Variants in STIP1 observed in about 807,000 individuals in gnomAD.
The protein encoded by STIP1 is stress induced phosphoprotein 1, also known as stress-induced-phosphoprotein 1.
A neutral mutation model predicts 77.4 loss-of-function variants in STIP1; 16 were observed. The ratio of observed to expected loss-of-function variants is 0.21; its 90% CI spans 0.14 to 0.31. The LOEUF is 0.31. Ranked by LOEUF, STIP1 falls within the 10% of genes least tolerant of loss-of-function variation. The pLI is 1.00. For missense variants in STIP1, 524 were observed against 684.8 expected, an observed-to-expected ratio of 0.77 and a Z score of 2.62; for synonymous variants, 258 against 246.6, an observed-to-expected ratio of 1.05 and a Z score of -0.44.
At chr11:64,196,573 G>A (rs532024030) in intron 5 of STIP1, among the ~76,000 whole-genome samples, 1 of 152,072 alleles carries the variant, frequency 6.6e-6, no homozygotes, top group African/African-American at 2.4e-5. Context: ...GTCGTGATCC[G>A]AAGAATGTTG....
At chr11:64,203,281 G>A (rs1946241694) in intron 12 of STIP1, 53 bp downstream of exon 12, 2 of 1,601,302 alleles carry the variant, frequency 1.2e-6, no homozygotes, top group Admixed American at 1.7e-5. Flanking sequence ...CTCTGTTGGG[G>A]CTTTTCCATG....
At chr11:64,198,656 CT>C (rs1047170338) in intron 8 of STIP1, among the ~76,000 whole-genome samples, 1 of 150,170 alleles carries the variant, frequency 6.7e-6, no homozygotes. Flanking sequence ...TGAACCTGAT[CT>C]TTTTTTAGGT....
chr11:64,195,731 C>T lies in STIP1; in HGVS notation c.590C>T (p.Ala197Val), dbSNP rs758752533. Residue 197 changes from alanine to valine, a missense_variant, in exon 5 of 14, where the codon GCA becomes GTA. By Grantham distance (64) the Ala-to-Val change is moderately conservative. Transcript: ENST00000305218. ...LGSMDEEEEI[A>V]TPPPPPPPKK... The stretch of plus-strand genomic sequence containing the variant: ...AGTATGGATGAGGAGGAAGAGATTG[C>T]AACACCTCCACCACCACCCCCTCCC... The T allele has an allele frequency of 6.2e-7, 1 of 1,614,094 alleles. No homozygotes were observed. Among genetic ancestry groups the T allele is most frequent in the South Asian group, 1.1e-5 (1 of 91,076 alleles).
chr11:64,196,208 C>G (rs980892909), intron 5 of STIP1, among the ~76,000 whole-genome samples: 2 of 151,668 alleles, frequency 1.3e-5, no homozygotes, highest in African/African-American at 4.8e-5. Flanking sequence ...CCAGTCTGGC[C>G]AACATGGTGA....
chr11:64,194,658 G>A, intron 4 of STIP1, 38 bp downstream of exon 4: 1 of 1,604,404 alleles, frequency 6.2e-7, no homozygotes, highest in South Asian at 1.1e-5. Flanking sequence ...TGGAAATCGG[G>A]GAATGTTATG....
At chr11:64,201,916 C>T (rs1390419613) in intron 10 of STIP1, among the ~76,000 whole-genome samples, 1 of 152,252 alleles carries the variant, frequency 6.6e-6, no homozygotes, top group Non-Finnish European at 1.5e-5. Context: ...CATCATTTCT[C>T]ACTTTGAAGA....
In STIP1 at chr11:64,193,129, G is replaced by C; in HGVS notation, c.61G>C (p.Asp21His). ...GNKALSVGNI[D>H]DALQCYSEAI... ...CAAGGCCCTGAGCGTGGGTAACATC[G>C]ATGATGCCTTACAGTGCTACTCCGA... Residue 21 changes from aspartate (D) to histidine (H), a missense_variant, in exon 2 of 14, where the codon GAT (aspartate) becomes CAT (histidine). By Grantham distance (81) the Asp-to-His change is moderately conservative. Transcript: ENST00000305218. The C allele has an allele frequency of 6.2e-7, 1 of 1,614,160 alleles. No individual in the cohort carries two copies. Among genetic ancestry groups the C allele is most frequent in the Non-Finnish European group, 8.5e-7 (1 of 1,180,026 alleles).
chr11:64,187,904 C>T (rs907211200), intron 1 of STIP1, among the ~76,000 whole-genome samples: 1 of 152,046 alleles, frequency 6.6e-6, no homozygotes, highest in African/African-American at 2.4e-5. Flanking sequence ...ACTCGGGAGG[C>T]TGAGGCAGGA....
chr11:64,186,888 T>C (rs534714089), intron 1 of STIP1, among the ~76,000 whole-genome samples: 2 of 152,280 alleles, frequency 1.3e-5, no homozygotes, highest in South Asian at 4.1e-4. Context: ...AGACCGACTC[T>C]ACCTGATGCG....
At chr11:64,200,652 T>C (rs1946209431) in intron 10 of STIP1, among the ~76,000 whole-genome samples, 1 of 151,752 alleles carries the variant, frequency 6.6e-6, no homozygotes, top group South Asian at 2.1e-4. Flanking sequence ...TGTATCTATC[T>C]AACTGGTCCT....
In STIP1 at chr11:64,193,070, C is replaced by T. The variant is rs767956710; in HGVS notation, c.10-8C>T. 1.1e-5 allele frequency: 17 copies of T among 1,613,524 alleles called. No individual in the cohort carries two copies. The highest frequency in any genetic ancestry group is 4.5e-5 in the East Asian group (2 of 44,882). On this transcript the variant is annotated splice_region_variant and splice_polypyrimidine_tract_variant and intron_variant, in intron 1 of 13. Coordinates refer to ENST00000305218, the MANE Select transcript of STIP1 (RefSeq NM_006819.3). The stretch of plus-strand genomic sequence containing the variant: ...TCATAGAGAAGCTGTGTGTTCCTTT[C>T]CCCTCAGGTCAATGAGCTGAAGGAG...
At chr11:64,203,297 TC>T in intron 12 of STIP1, 69 bp downstream of exon 12, 1 of 1,591,152 alleles carries the variant, frequency 6.3e-7, no homozygotes, top group Non-Finnish European at 8.6e-7. Context: ...CCATGTTCAG[TC>T]CCTGATTTCT....
rs1462732594 is a variant in STIP1, at chr11:64,202,725, T to C, written c.1246-151T>C. On this transcript the variant is annotated intron_variant, in intron 10 of 13. Transcript: ENST00000305218. ...TCCAGGCAGTTTGTCTTGTGTGGGA[T>C]GATCCATCATCTGGAGTTGTCTTTC... 5 of 786,736 alleles carry C rather than the reference T, an allele frequency of 6.4e-6. No homozygotes were observed. The East Asian group carries it at 7.4e-5, about 12-fold the overall frequency. 48.7% of individuals were successfully genotyped at this position (786,736 alleles called of 1,614,324 possible). A position where few individuals can be genotyped will look rare whatever the true frequency, so the allele number is the denominator to read the frequency against.
At chr11:64,186,078 A>C (rs1591000209), upstream of STIP1, 1 of 1,548,390 alleles carries the variant, frequency 6.5e-7, no homozygotes, top group Non-Finnish European at 8.7e-7. Flanking sequence ...GATGGGCTGG[A>C]CCTCAAGCCA....
At chr11:64,192,700 G>A (rs1051994681) in intron 1 of STIP1, among the ~76,000 whole-genome samples, 4 of 152,212 alleles carry the variant, frequency 2.6e-5, no homozygotes, top group African/African-American at 9.6e-5. Flanking sequence ...GGGTGACTAG[G>A]GCTGTGCTCT....
At chr11:64,202,834 C>T in intron 10 of STIP1, 42 bp from the exon 11 acceptor site, 1 of 1,613,758 alleles carries the variant, frequency 6.2e-7, no homozygotes, top group Admixed American at 1.7e-5. Context: ...CTGAGCTTGT[C>T]CAAGGGAATG....
chr11:64,194,166 G>C (rs1946122223), intron 2 of STIP1, 23 bp from the exon 3 acceptor site: 1 of 1,599,444 alleles, frequency 6.3e-7, no homozygotes, highest in Non-Finnish European at 8.5e-7. Flanking sequence ...TCTCTATTTT[G>C]TGTCTGTCTT....
upstream of STIP1, chr11:64,185,943 G>C (rs760483277): frequency 1.0e-5 from 16 of 1,536,856 alleles, no homozygotes; most frequent in South Asian, 1.9e-4. Flanking sequence ...GCAGAAGTTC[G>C]CTCCTCCCTC....
upstream of STIP1, chr11:64,185,943 G>A (rs760483277): frequency 1.3e-6 from 2 of 1,536,856 alleles, no homozygotes; most frequent in Admixed American, 2.0e-5. Flanking sequence ...GCAGAAGTTC[G>A]CTCCTCCCTC....
Sources: allele counts gnomAD v4.1 joint callset (sites outside exome capture counted in the v4.1 genomes callset), GRCh38; gene constraint gnomAD v4.1.1; transcripts MANE v1.5; gene names NCBI Gene and HGNC (gene_info 2026-07-23, HGNC 2026-07-21).